Variants in ASTN1 observed in about 807,000 individuals in gnomAD.
ASTN1 encodes astrotactin-1.
ASTN1 carries 41 observed loss-of-function variants against 140.7 expected under a neutral mutation model. The observed-to-expected ratio is 0.29, with a 90% CI of 0.23 to 0.38. The LOEUF is 0.38. ASTN1 is among the 10% of genes least tolerant of loss of function. The pLI is 1.00. For synonymous variants in ASTN1, 640 were observed against 652.2 expected (o/e 0.98, Z 0.29); for missense variants, 1,479 against 1,678.8 (o/e 0.88, Z 2.08).
intron 2 of ASTN1, among the ~76,000 whole-genome samples, chr1:177,044,709 G>T (rs1677139213): frequency 6.6e-6 from 1 of 152,212 alleles, no homozygotes; most frequent in Non-Finnish European, 1.5e-5. Context: ...GCAGTCAGGG[G>T]TTCTTGCTTC....
downstream of ASTN1, among the ~76,000 whole-genome samples, chr1:176,858,724 C>G (rs1177478131): frequency 6.6e-6 from 1 of 152,170 alleles, no homozygotes; most frequent in East Asian, 1.9e-4. Flanking sequence ...AGTTGATTTC[C>G]TAAAGGCATT....
chr1:176,980,920 C>G (rs910664989), intron 8 of ASTN1, among the ~76,000 whole-genome samples: 3 of 151,944 alleles, frequency 2.0e-5, no homozygotes, highest in Non-Finnish European at 4.4e-5. Flanking sequence ...CAGTAAGCAC[C>G]AAGGAAATAG....
At chr1:177,064,027 C>T (rs1237489886) in intron 1 of ASTN1, among the ~76,000 whole-genome samples, 3 of 152,130 alleles carry the variant, frequency 2.0e-5, no homozygotes, top group Non-Finnish European at 4.4e-5. Context: ...AGGAGATCCT[C>T]CTCAAGTAGG....
chr1:176,917,490 G>T (rs1322275025), intron 16 of ASTN1, among the ~76,000 whole-genome samples: 1 of 152,152 alleles, frequency 6.6e-6, no homozygotes, highest in Non-Finnish European at 1.5e-5. Flanking sequence ...CAGCAGTGTG[G>T]GCAGATCCAG....
At chr1:176,925,125 C>T (rs1670899745) in intron 16 of ASTN1, among the ~76,000 whole-genome samples, 1 of 152,146 alleles carries the variant, frequency 6.6e-6, no homozygotes, top group Non-Finnish European at 1.5e-5. Context: ...TGCACACAAG[C>T]CTAGTGATCA....
intron 1 of ASTN1, among the ~76,000 whole-genome samples, chr1:177,089,173 C>T (rs1679622413): frequency 6.6e-6 from 1 of 152,182 alleles, no homozygotes; most frequent in Admixed American, 6.5e-5. Context: ...ACGCCCTAAT[C>T]TCATCAATGT....
rs191703247 is a variant in ASTN1, at chr1:177,026,835, C to T, written c.1121-2103G>A. ...TCTTATATCTAAACTGAAGCAGAAG[C>T]CATCCACCTGTTCCCCTGCCTCAAG... On this transcript the variant is annotated intron_variant, in intron 5 of 22. Coordinates refer to ENST00000361833, the MANE Select transcript of ASTN1 (RefSeq NM_004319.3). Among the ~76,000 whole-genome samples, 98 of 152,296 alleles carry T rather than the reference C, an allele frequency of 6.4e-4. 1 individual carries two copies. The highest frequency in any genetic ancestry group is 2.0e-3 in the African/African-American group (83 of 41,564).
intron 16 of ASTN1, among the ~76,000 whole-genome samples, chr1:176,933,774 G>T (rs1275107023): frequency 1.3e-5 from 2 of 152,154 alleles, no homozygotes; most frequent in Non-Finnish European, 2.9e-5. Context: ...GCAGAGTTGG[G>T]TGTGACTCCT....
chr1:176,906,941 T>C (rs1178600030), intron 16 of ASTN1, among the ~76,000 whole-genome samples: 1 of 152,094 alleles, frequency 6.6e-6, no homozygotes. Context: ...TTGTGATAGT[T>C]TATAGCTGGT....
intron 16 of ASTN1, among the ~76,000 whole-genome samples, chr1:176,926,088 T>G (rs554479707): frequency 6.6e-6 from 1 of 152,290 alleles, no homozygotes; most frequent in African/African-American, 2.4e-5. Flanking sequence ...ATTACAGGTG[T>G]GAGCCACCGC....
At chr1:177,064,043 C>A (rs893661247) in intron 1 of ASTN1, among the ~76,000 whole-genome samples, 1 of 152,152 alleles carries the variant, frequency 6.6e-6, no homozygotes, top group Non-Finnish European at 1.5e-5. Flanking sequence ...GTAGGTCAGG[C>A]TTATTACCTC....
chr1:177,152,385 A>G (rs991839590), intron 1 of ASTN1, among the ~76,000 whole-genome samples: 2 of 152,150 alleles, frequency 1.3e-5, no homozygotes, highest in Admixed American at 6.6e-5. Flanking sequence ...GTCAATTAAC[A>G]CACAACATTA....
chr1:177,072,618 G>GT (rs1678697133), intron 1 of ASTN1, among the ~76,000 whole-genome samples: 1 of 152,132 alleles, frequency 6.6e-6, no homozygotes, highest in South Asian at 2.1e-4. Context: ...TGACAGAACA[G>GT]TTTCTTTATT....
At chr1:177,061,417 C>G (rs1678082497) in intron 1 of ASTN1, 152 bp from the exon 2 acceptor site, 4 of 603,200 alleles carry the variant, frequency 6.6e-6, no homozygotes, top group South Asian at 4.3e-5. Context: ...TACTGCTACT[C>G]CAAACCACAA....
intron 8 of ASTN1, among the ~76,000 whole-genome samples, chr1:176,986,821 G>T (rs1673929897): frequency 6.6e-6 from 1 of 152,154 alleles, no homozygotes; most frequent in Non-Finnish European, 1.5e-5. Context: ...TTAAAAAGAT[G>T]AAAAGAATTA....
chr1:177,049,304 T>C (rs1677415048), intron 2 of ASTN1, among the ~76,000 whole-genome samples: 1 of 152,200 alleles, frequency 6.6e-6, no homozygotes, highest in Non-Finnish European at 1.5e-5. Flanking sequence ...TATGTTATCA[T>C]TTATTTGTAT....
At chr1:177,106,834 G>A (rs1372239520) in intron 1 of ASTN1, among the ~76,000 whole-genome samples, 1 of 152,144 alleles carries the variant, frequency 6.6e-6, no homozygotes. Context: ...GATAATCATA[G>A]TAATTTGCTG....
At chr1:177,048,711 T>A (rs13373884) in intron 2 of ASTN1, among the ~76,000 whole-genome samples, 4,642 of 152,228 alleles carry the variant, frequency 0.03, 236 homozygotes, top group African/African-American at 0.11. Flanking sequence ...GGGGAGCCAC[T>A]CCATCCTAAA....
At chr1:177,117,613 A>G (rs1216246172) in intron 1 of ASTN1, among the ~76,000 whole-genome samples, 1 of 151,996 alleles carries the variant, frequency 6.6e-6, no homozygotes, top group Non-Finnish European at 1.5e-5. Context: ...CTCACTTCCC[A>G]CCCACCCCCT....
Sources: gnomAD v4.1 joint callset for allele counts (sites outside exome capture counted in the v4.1 genomes callset) on GRCh38, gnomAD v4.1.1 for gene constraint, MANE v1.5 for transcripts, NCBI Gene and HGNC (gene_info 2026-07-23, HGNC 2026-07-21) for gene names.